The following GRID1 variants were observed in gnomAD, a reference collection of about 807,000 sequenced individuals.
The protein encoded by GRID1 is glutamate receptor ionotropic, delta-1.
GRID1 carries 28 observed loss-of-function variants against 98.0 expected under a neutral mutation model. The ratio of observed to expected loss-of-function variants is 0.29; its 90% CI spans 0.21 to 0.39. The LOEUF is 0.39. Ranked by LOEUF, GRID1 falls within the 10% of genes least tolerant of loss-of-function variation. GRID1 has a pLI of 1.00. For synonymous variants in GRID1, 553 were observed against 538.5 expected (o/e 1.03, Z -0.37); for missense variants, 1,111 against 1,340.5 (o/e 0.83, Z 2.67).
intron 4 of GRID1, among the ~76,000 whole-genome samples, chr10:86,123,963 G>A (rs1368041605): frequency 2.0e-5 from 3 of 152,198 alleles, no homozygotes; most frequent in Non-Finnish European, 2.9e-5. Flanking sequence ...TGAGTGCAGG[G>A]AGCCCAGAAT....
At chr10:85,835,256 C>T (rs1349390691) in intron 8 of GRID1, among the ~76,000 whole-genome samples, 2 of 152,262 alleles carry the variant, frequency 1.3e-5, no homozygotes, top group East Asian at 1.9e-4. Flanking sequence ...CCCATCTCGG[C>T]ATCTGATAGA....
intron 8 of GRID1, among the ~76,000 whole-genome samples, chr10:85,755,774 G>A (rs1318960840): frequency 1.3e-5 from 2 of 152,060 alleles, no homozygotes; most frequent in Non-Finnish European, 1.5e-5. Context: ...CCATTTCCTG[G>A]TGACCTAGAT....
chr10:85,775,522 T>G (rs962045461), intron 8 of GRID1, among the ~76,000 whole-genome samples: 2 of 151,898 alleles, frequency 1.3e-5, no homozygotes, highest in African/African-American at 2.4e-5. Context: ...CAATAGACAC[T>G]GGGGACTCCT....
At chr10:86,242,422 C>T (rs1846652344) in intron 2 of GRID1, among the ~76,000 whole-genome samples, 2 of 152,198 alleles carry the variant, frequency 1.3e-5, no homozygotes, top group South Asian at 2.1e-4. Flanking sequence ...GGCTGCCACA[C>T]TTCCCCTCCC....
chr10:86,253,894 T>C (rs190364954), intron 2 of GRID1, among the ~76,000 whole-genome samples: 1 of 152,094 alleles, frequency 6.6e-6, no homozygotes, highest in Admixed American at 6.5e-5. Flanking sequence ...ATACCTTCCC[T>C]CACCTCAGGT....
chr10:85,912,639 C>A (rs188565610), intron 5 of GRID1, among the ~76,000 whole-genome samples: 1 of 152,262 alleles, frequency 6.6e-6, no homozygotes, highest in East Asian at 1.9e-4. Flanking sequence ...GAGACACCTG[C>A]GGTGGTCGGG....
At chr10:85,681,902 G>A (rs1399750860) in intron 12 of GRID1, among the ~76,000 whole-genome samples, 1 of 152,028 alleles carries the variant, frequency 6.6e-6, no homozygotes, top group Non-Finnish European at 1.5e-5. Context: ...GGGTACCTCA[G>A]GCAATTCACC....
intron 2 of GRID1, among the ~76,000 whole-genome samples, chr10:86,250,809 C>T (rs919581826): frequency 1.3e-5 from 2 of 151,964 alleles, no homozygotes; most frequent in Admixed American, 1.3e-4. Flanking sequence ...AGGTGGGGGG[C>T]CCCTCTGCCC....
chr10:85,899,640 G>A (rs1329395481), intron 5 of GRID1, among the ~76,000 whole-genome samples: 1 of 152,166 alleles, frequency 6.6e-6, no homozygotes, highest in Admixed American at 6.5e-5. Context: ...CTGGCACACA[G>A]TAGGCACTCA....
chr10:85,755,065 C>T (rs1459991196), intron 8 of GRID1, among the ~76,000 whole-genome samples: 1 of 152,102 alleles, frequency 6.6e-6, no homozygotes, highest in Non-Finnish European at 1.5e-5. Context: ...GGTTTTTAGT[C>T]TTTTCTTCTC....
chr10:86,100,085 C>G (rs1844274585), intron 4 of GRID1, among the ~76,000 whole-genome samples: 1 of 152,146 alleles, frequency 6.6e-6, no homozygotes, highest in Non-Finnish European at 1.5e-5. Flanking sequence ...GGCAAAGAGA[C>G]CCTGACTCAC....
At chr10:85,654,307 A>G (rs1196932222) in intron 12 of GRID1, among the ~76,000 whole-genome samples, 2 of 152,266 alleles carry the variant, frequency 1.3e-5, no homozygotes, top group African/African-American at 4.8e-5. Flanking sequence ...GCATTTGTAT[A>G]TATTTACATA....
At chr10:86,008,520 T>C (rs567695497) in intron 4 of GRID1, among the ~76,000 whole-genome samples, 3 of 152,332 alleles carry the variant, frequency 2.0e-5, no homozygotes, top group African/African-American at 7.2e-5. Flanking sequence ...CATGAATTTA[T>C]GAATAATATA....
chr10:85,966,780 C>T (rs757175475), intron 4 of GRID1, among the ~76,000 whole-genome samples: 1 of 151,650 alleles, frequency 6.6e-6, no homozygotes, highest in Non-Finnish European at 1.5e-5. Context: ...TGCCACTGCA[C>T]TCCAGCCTGG....
At chr10:86,307,624 G>T (rs1356613258) in intron 2 of GRID1, among the ~76,000 whole-genome samples, 1 of 152,162 alleles carries the variant, frequency 6.6e-6, no homozygotes, top group Non-Finnish European at 1.5e-5. Flanking sequence ...ACAGCACGAA[G>T]ATTATAGTTA....
chr10:85,940,066 CAAAAAA>C (rs34122685), intron 4 of GRID1, among the ~76,000 whole-genome samples: 9 of 99,422 alleles, frequency 9.1e-5, no homozygotes, highest in African/African-American at 3.1e-4. Flanking sequence ...GACTCCCTCT[CAAAAAA>C]AAAAAAAAAA....
intron 12 of GRID1, among the ~76,000 whole-genome samples, chr10:85,655,377 C>T (rs376765750): frequency 6.6e-6 from 1 of 152,212 alleles, no homozygotes. Context: ...CTGCCCACCT[C>T]AACCTTGAGC....
At chr10:85,770,853 T>A (rs1343779169) in intron 8 of GRID1, among the ~76,000 whole-genome samples, 1 of 152,174 alleles carries the variant, frequency 6.6e-6, no homozygotes, top group African/African-American at 2.4e-5. Flanking sequence ...GTCTGATTGG[T>A]GTACCTGAAA....
At chr10:86,277,227 A>G (rs1269916444) in intron 2 of GRID1, among the ~76,000 whole-genome samples, 1 of 152,252 alleles carries the variant, frequency 6.6e-6, no homozygotes, top group Non-Finnish European at 1.5e-5. Context: ...TTTAGGTTAT[A>G]TAAATTTTAC....
Sources: gnomAD v4.1 joint callset for allele counts (sites outside exome capture counted in the v4.1 genomes callset) on GRCh38, gnomAD v4.1.1 for gene constraint, MANE v1.5 for transcripts, NCBI Gene and HGNC (gene_info 2026-07-23, HGNC 2026-07-21) for gene names.